Variants in TGFBRAP1 observed in about 807,000 individuals in gnomAD.
The protein encoded by TGFBRAP1 is transforming growth factor-beta receptor-associated protein 1.
TGFBRAP1 carries 20 observed loss-of-function variants against 83.2 expected under a neutral mutation model. The observed-to-expected ratio is 0.24, with a 90% CI of 0.17 to 0.35. The LOEUF (loss-of-function observed/expected upper bound fraction) is 0.35, where lower values mean the gene tolerates loss of function less well. Ranked by LOEUF, TGFBRAP1 falls within the 10% of genes least tolerant of loss-of-function variation. The pLI, the probability that TGFBRAP1 is intolerant of heterozygous loss-of-function variation, is 1.00. For missense variants in TGFBRAP1, 950 were observed against 1,099.4 expected (o/e 0.86, Z 1.92); for synonymous variants, 415 against 459.8 (o/e 0.90, Z 1.25).
At chr2:105,277,169 C>T (rs1032358314) in intron 7 of TGFBRAP1, among the ~76,000 whole-genome samples, 1 of 152,158 alleles carries the variant, frequency 6.6e-6, no homozygotes, top group Non-Finnish European at 1.5e-5. Flanking sequence ...CACATGGCCT[C>T]GGGCAAGCAA....
intron 6 of TGFBRAP1, 73 bp from the exon 7 acceptor site, chr2:105,277,744 C>A (rs1677397678): frequency 7.3e-7 from 1 of 1,374,918 alleles, no homozygotes; most frequent in Non-Finnish European, 1.0e-6. Flanking sequence ...ACAGTGACAC[C>A]CCCAGTCCAA....
intron 1 of TGFBRAP1, among the ~76,000 whole-genome samples, chr2:105,312,746 T>A (rs1678733929): frequency 1.3e-5 from 2 of 152,238 alleles, no homozygotes; most frequent in African/African-American, 4.8e-5. Flanking sequence ...AATGTAAAAA[T>A]ACAAATCTTT....
At chr2:105,285,324 T>TCTGCCATGTGA (rs1171999147) in intron 4 of TGFBRAP1, among the ~76,000 whole-genome samples, 1 of 152,228 alleles carries the variant, frequency 6.6e-6, no homozygotes, top group Admixed American at 6.5e-5. Context: ...TAGCCATGTG[T>TCTGCCATGTGA]CTGCCATTCA....
At position 105,308,276 on chromosome 2, in the gene TGFBRAP1, A is replaced by T; in HGVS notation, c.26T>A (p.Leu9His). MMSIKAFT[L>H]VSAVERELLM... is the part of the protein sequence containing the mutation. ...CAGCTCCCGCTCCACAGCAGAGACA[A>T]GCGTAAAGGCTTTGATGCTCATCAT... Residue 9 changes from leucine (L) to histidine (H), a missense_variant, in exon 2 of 12, where the codon CTT becomes CAT. Leu to His is a moderately conservative substitution (Grantham distance 99). Coordinates refer to ENST00000393359, the MANE Select transcript of TGFBRAP1 (RefSeq NM_004257.6). 1 of 1,613,478 alleles carries T rather than the reference A, an allele frequency of 6.2e-7. No individual in the cohort carries two copies. Among genetic ancestry groups the T allele is most frequent in the Non-Finnish European group, 8.5e-7 (1 of 1,179,428 alleles).
intron 1 of TGFBRAP1, among the ~76,000 whole-genome samples, chr2:105,316,668 G>C (rs1461036364): frequency 1.3e-5 from 2 of 151,910 alleles, no homozygotes; most frequent in Non-Finnish European, 2.9e-5. Flanking sequence ...ACAAAAATTA[G>C]CTGGGCGTGG....
the TGFBRAP1 span, among the ~76,000 whole-genome samples, chr2:105,252,523 C>T: frequency 6.6e-6 from 1 of 152,182 alleles, no homozygotes; most frequent in Non-Finnish European, 1.5e-5. Context: ...CATGCGGTTT[C>T]CCTCCAGCCA....
At chr2:105,252,929 T>C in the TGFBRAP1 span, among the ~76,000 whole-genome samples, 3 of 151,458 alleles carry the variant, frequency 2.0e-5, no homozygotes, top group African/African-American at 7.3e-5. Flanking sequence ...ATTTTTTTTG[T>C]ATTTTTAGTA....
intron 6 of TGFBRAP1, among the ~76,000 whole-genome samples, chr2:105,278,700 G>A (rs1027572336): frequency 3.3e-5 from 5 of 152,118 alleles, no homozygotes; most frequent in Admixed American, 6.6e-5. Flanking sequence ...GCAGGAAACT[G>A]GAGTAAGTTG....
intron 1 of TGFBRAP1, among the ~76,000 whole-genome samples, chr2:105,318,470 G>A (rs565826963): frequency 5.9e-5 from 9 of 151,942 alleles, no homozygotes; most frequent in East Asian, 1.9e-4. Flanking sequence ...AAATATACAC[G>A]TACATGTAGA....
At chr2:105,316,482 C>T (rs1354924000) in intron 1 of TGFBRAP1, among the ~76,000 whole-genome samples, 4 of 17,492 alleles carry the variant, frequency 2.3e-4, no homozygotes, top group South Asian at 2.0e-3. Context: ...CGCGCGCGCA[C>T]GCGCACATAA....
At chr2:105,313,129 T>C (rs555102256) in intron 1 of TGFBRAP1, among the ~76,000 whole-genome samples, 1 of 152,188 alleles carries the variant, frequency 6.6e-6, no homozygotes, top group Non-Finnish European at 1.5e-5. Context: ...AAAAGAGAAC[T>C]GATGACTTTT....
At chr2:105,275,242 G>T (rs1018780369) in intron 8 of TGFBRAP1, among the ~76,000 whole-genome samples, 1 of 152,156 alleles carries the variant, frequency 6.6e-6, no homozygotes, top group African/African-American at 2.4e-5. Context: ...AGGGGTCGAG[G>T]AGCGGGGTTC....
the TGFBRAP1 span, among the ~76,000 whole-genome samples, chr2:105,252,349 A>C: frequency 2.6e-5 from 4 of 152,334 alleles, no homozygotes; most frequent in Non-Finnish European, 4.4e-5. Flanking sequence ...TATCTGAAAC[A>C]GGAGGCTCTT....
chr2:105,281,130 TACAA>T (rs895724035), intron 5 of TGFBRAP1, among the ~76,000 whole-genome samples: 2 of 152,296 alleles, frequency 1.3e-5, no homozygotes, highest in African/African-American at 4.8e-5. Context: ...GGCACTAAAT[TACAA>T]ACAGATTTGT....
chr2:105,300,187 T>A (rs1678236290), intron 2 of TGFBRAP1, among the ~76,000 whole-genome samples: 2 of 152,132 alleles, frequency 1.3e-5, no homozygotes, highest in South Asian at 4.1e-4. Flanking sequence ...TATAAACCTC[T>A]GGTTTAAAGT....
intron 5 of TGFBRAP1, among the ~76,000 whole-genome samples, chr2:105,283,736 A>T (rs186210915): frequency 6.6e-5 from 10 of 152,332 alleles, no homozygotes; most frequent in African/African-American, 2.4e-4. Flanking sequence ...GGGCAGGGGA[A>T]AGGGGAGAAC....
At chr2:105,306,777 C>A (rs1392398440) in intron 2 of TGFBRAP1, among the ~76,000 whole-genome samples, 1 of 151,936 alleles carries the variant, frequency 6.6e-6, no homozygotes, top group Non-Finnish European at 1.5e-5. Context: ...CCAGCCTGGG[C>A]AATAAAGCGA....
the TGFBRAP1 span, among the ~76,000 whole-genome samples, chr2:105,250,536 G>A: frequency 2.0e-5 from 3 of 150,564 alleles, no homozygotes; most frequent in Admixed American, 6.6e-5. Flanking sequence ...TACTGCTGCC[G>A]GGAAGGAAGG....
chr2:105,285,967 C>T (rs1677704778), intron 4 of TGFBRAP1, among the ~76,000 whole-genome samples: 1 of 152,178 alleles, frequency 6.6e-6, no homozygotes, highest in African/African-American at 2.4e-5. Flanking sequence ...AGCAGAAATA[C>T]TAGAGGCCAG....
Sources: gnomAD v4.1 joint callset for allele counts (sites outside exome capture counted in the v4.1 genomes callset) on GRCh38, gnomAD v4.1.1 for gene constraint, MANE v1.5 for transcripts, NCBI Gene and HGNC (gene_info 2026-07-23, HGNC 2026-07-21) for gene names.